PLB1: variants seen among roughly 807,000 people sequenced by gnomAD.
The protein encoded by PLB1 is phospholipase B1, membrane-associated.
A neutral mutation model predicts 227.4 loss-of-function variants in PLB1; 242 were observed. The ratio of observed to expected loss-of-function variants is 1.06; its 90% confidence interval spans 0.96 to 1.18. The LOEUF is 1.18. Ranked by LOEUF, PLB1 falls within the 50% of genes most tolerant of loss-of-function variation. PLB1 has a pLI of 0.00. For missense variants in PLB1, 1,858 were observed against 1,816.3 expected (o/e 1.02, Z -0.42); for synonymous variants, 757 against 682.2 (o/e 1.11, Z -1.71).
At chr2:28,542,535 G>A (rs1323540913) in intron 13 of PLB1, among the ~76,000 whole-genome samples, 4 of 152,110 alleles carry the variant, frequency 2.6e-5, no homozygotes, top group African/African-American at 4.8e-5. Context: ...AGTGGCATCC[G>A]GTGCTGGGGA....
Position 28,516,457 on chromosome 2 carries a change from CTG to C in PLB1, c.56-349_56-348del, listed in dbSNP as rs1668860677. On this transcript the variant is annotated intron_variant, in intron 1 of 57. Coordinates refer to ENST00000327757, the MANE Select transcript of PLB1 (RefSeq NM_153021.5). ...TGTCTTGGATCTGCAACAACAGTAA[CTG>C]TTTGTCTGACATTACCTTCTTTGTG... Among the ~76,000 whole-genome samples the C allele has an allele frequency of 1.0e-4, 15 of 149,438 alleles. No homozygotes were observed. In the South Asian group the frequency reaches 3.1e-3, roughly 31 times the overall value.
intron 46 of PLB1, 79 bp downstream of exon 46, chr2:28,618,478 T>C (rs1216048402): frequency 3.5e-6 from 5 of 1,434,608 alleles, no homozygotes; most frequent in East Asian, 2.3e-5. Flanking sequence ...TTCCCCAGCA[T>C]TGGCTCCGCT....
At chr2:28,520,586 C>G (rs964515274) in intron 4 of PLB1, among the ~76,000 whole-genome samples, 4 of 152,166 alleles carry the variant, frequency 2.6e-5, no homozygotes, top group Non-Finnish European at 5.9e-5. Context: ...AACACTCTAC[C>G]CATGAAATAA....
At chr2:28,525,676 G>A (rs1308371564) in intron 5 of PLB1, among the ~76,000 whole-genome samples, 1 of 152,190 alleles carries the variant, frequency 6.6e-6, no homozygotes, top group East Asian at 1.9e-4. Flanking sequence ...CTTTGGACCA[G>A]ATGAGAGCGG....
Position 28,606,031 on chromosome 2 carries a change from G to A in PLB1, c.3057+83G>A. The A allele has an allele frequency of 1.1e-5, 12 of 1,106,426 alleles. 1 individual carries two copies. The highest frequency in any genetic ancestry group is 1.5e-5 in the Non-Finnish European group (11 of 737,736). 68.5% of individuals were successfully genotyped at this position (1,106,426 alleles called of 1,614,324 possible). ...GCCCCTATAGAATGGAGTCTTGCAAGTGAGGCTGAGGGGGCAGTGGCTGGT... is the reference window on the plus strand; with the variant it reads ...GCCCCTATAGAATGGAGTCTTGCAAATGAGGCTGAGGGGGCAGTGGCTGGT... On this transcript the variant is annotated intron_variant, in intron 42 of 57. Transcript: ENST00000327757.
chr2:28,574,544 G>A (rs375436029), intron 21 of PLB1, among the ~76,000 whole-genome samples: 5,527 of 124,744 alleles, frequency 0.044, 251 homozygotes, highest in African/African-American at 0.1. Flanking sequence ...CACCATTCCC[G>A]GCTAATTTTT....
intron 1 of PLB1, among the ~76,000 whole-genome samples, chr2:28,496,660 G>A (rs1268835128): frequency 6.6e-6 from 1 of 152,186 alleles, no homozygotes; most frequent in Non-Finnish European, 1.5e-5. Context: ...ATTCTTTAGT[G>A]CTGCTAAACA....
chr2:28,618,300 C>T (rs1322221687), intron 45 of PLB1, 41 bp from the exon 46 acceptor site: 5 of 1,573,414 alleles, frequency 3.2e-6, no homozygotes, highest in East Asian at 2.2e-5. Flanking sequence ...GAGGTAGATA[C>T]CCCCAGCCCC....
intron 6 of PLB1, among the ~76,000 whole-genome samples, chr2:28,528,078 T>C (rs1220806246): frequency 1.3e-5 from 2 of 152,164 alleles, no homozygotes; most frequent in East Asian, 3.9e-4. Flanking sequence ...GGGTTAAGGA[T>C]GGGGAAAATT....
chr2:28,642,029 C>G (rs1385477816), intron 57 of PLB1, among the ~76,000 whole-genome samples: 2 of 152,128 alleles, frequency 1.3e-5, no homozygotes, highest in East Asian at 1.9e-4. Context: ...GCCATCTGTT[C>G]CTGGAGGTTC....
At chr2:28,512,079 TC>T (rs1016077598) in intron 1 of PLB1, among the ~76,000 whole-genome samples, 2 of 84,222 alleles carry the variant, frequency 2.4e-5, no homozygotes, top group Non-Finnish European at 4.6e-5. Context: ...TTTCCTGCCC[TC>T]CCCCCACCCA....
chr2:28,633,799 T>C (rs1313284641), intron 56 of PLB1, among the ~76,000 whole-genome samples: 11 of 152,230 alleles, frequency 7.2e-5, no homozygotes, highest in Admixed American at 7.2e-4. Context: ...ATGAAATGCC[T>C]TCCCAACCCA....
intron 9 of PLB1, among the ~76,000 whole-genome samples, chr2:28,536,401 T>TA (rs1158427320): frequency 2.0e-5 from 3 of 151,602 alleles, no homozygotes; most frequent in Non-Finnish European, 4.4e-5. Context: ...AGTAAGATTT[T>TA]AAAAATCAGA....
At chr2:28,548,828 T>G in intron 14 of PLB1, 32 bp from the exon 15 acceptor site, 1 of 1,611,722 alleles carries the variant, frequency 6.2e-7, no homozygotes, top group East Asian at 2.2e-5. Context: ...TGCACAAAAC[T>G]TCCCTGTTCT....
chr2:28,625,009 C>A, intron 49 of PLB1, 48 bp from the exon 50 acceptor site: 3 of 1,578,456 alleles, frequency 1.9e-6, no homozygotes, highest in Non-Finnish European at 2.6e-6. Context: ...GTCGTGAGTC[C>A]TCGCTCCTGA....
chr2:28,603,898 G>C, intron 39 of PLB1, 68 bp from the exon 40 acceptor site: 22 of 1,460,588 alleles, frequency 1.5e-5, no homozygotes, highest in Non-Finnish European at 1.5e-5. Context: ...CCTGAACCTG[G>C]GCAATCAGAA....
At chr2:28,553,065 A>G in intron 17 of PLB1, 74 bp downstream of exon 17, 1 of 1,280,432 alleles carries the variant, frequency 7.8e-7, no homozygotes, top group African/African-American at 1.5e-5. Context: ...CTTTCCACAT[A>G]ACCTGAAATA....
chr2:28,555,521 T>C (rs1196940888), intron 17 of PLB1, among the ~76,000 whole-genome samples: 1 of 152,196 alleles, frequency 6.6e-6, no homozygotes, highest in Non-Finnish European at 1.5e-5. Flanking sequence ...CAGGTGCATA[T>C]TATTATTTTC....
At chr2:28,625,243 T>C (rs1687591441) in intron 50 of PLB1, 135 bp downstream of exon 50, 14 of 821,384 alleles carry the variant, frequency 1.7e-5, no homozygotes, top group Non-Finnish European at 2.5e-5. Context: ...GGAGAAGCAG[T>C]CCTTACCAAG....
Sources: gnomAD v4.1 joint callset for allele counts (sites outside exome capture counted in the v4.1 genomes callset) on GRCh38, gnomAD v4.1.1 for gene constraint, MANE v1.5 for transcripts, NCBI Gene and HGNC (gene_info 2026-07-23, HGNC 2026-07-21) for gene names.